SLC25A48: variants seen among roughly 807,000 people sequenced by gnomAD.
SLC25A48 encodes the protein CTC-321K16.1.
SLC25A48 carries 29 observed loss-of-function variants against 32.2 expected under a neutral mutation model. The ratio of observed to expected loss-of-function variants is 0.90; its 90% CI spans 0.67 to 1.23. The LOEUF is 1.23. Ranked by LOEUF, SLC25A48 falls within the 50% of genes most tolerant of loss-of-function variation. SLC25A48 has a pLI of 0.00. For missense variants in SLC25A48, 399 were observed against 422.7 expected (o/e 0.94, Z 0.49); for synonymous variants, 164 against 172.3 (o/e 0.95, Z 0.38).
rs1757799042 is a variant in SLC25A48, at chr5:135,818,695, A to T, written c.-117+5769A>T. Among the ~76,000 whole-genome samples the T allele has an allele frequency of 2.0e-5, 3 of 152,224 alleles. No individual in the cohort carries two copies. The South Asian group carries it at 6.2e-4, about 32-fold the overall frequency. Reference sequence around the variant, plus strand: ...CTAGGACAATCTAAAATTACCCAGCATACAAATGACCAGAAAAATGTGAAC... The same window carrying T: ...CTAGGACAATCTAAAATTACCCAGCTTACAAATGACCAGAAAAATGTGAAC... On this transcript the variant is annotated intron_variant, in intron 4 of 10. Transcript: ENST00000646290.
At chr5:135,615,913 G>A (rs1401732496) in intron 1 of SLC25A48, among the ~76,000 whole-genome samples, 1 of 152,220 alleles carries the variant, frequency 6.6e-6, no homozygotes, top group Non-Finnish European at 1.5e-5. Flanking sequence ...ACTGCTGCCT[G>A]CATCTCAGCT....
At chr5:135,627,011 G>C (rs1752454679) in intron 1 of SLC25A48, among the ~76,000 whole-genome samples, 1 of 152,194 alleles carries the variant, frequency 6.6e-6, no homozygotes, top group Admixed American at 6.5e-5. Flanking sequence ...CAGGAGGTGG[G>C]AGCCTGGGGA....
chr5:135,804,115 C>G (rs1441948567), intron 3 of SLC25A48, among the ~76,000 whole-genome samples: 5 of 151,146 alleles, frequency 3.3e-5, no homozygotes, highest in African/African-American at 1.2e-4. Flanking sequence ...ATTAAGAGTA[C>G]TATCTCCCTA....
intron 3 of SLC25A48, among the ~76,000 whole-genome samples, chr5:135,692,048 T>A (rs1178580634): frequency 6.6e-6 from 1 of 152,306 alleles, no homozygotes; most frequent in Non-Finnish European, 1.5e-5. Context: ...CCGGGCGCGG[T>A]GGCTCACACC....
intron 3 of SLC25A48, among the ~76,000 whole-genome samples, chr5:135,677,009 T>A (rs1753787874): frequency 6.6e-6 from 1 of 152,052 alleles, no homozygotes. Flanking sequence ...TATTTCTTTG[T>A]TGACTTTCTG....
intron 3 of SLC25A48, among the ~76,000 whole-genome samples, chr5:135,711,599 T>C (rs1754664850): frequency 6.6e-6 from 1 of 152,218 alleles, no homozygotes; most frequent in African/African-American, 2.4e-5. Context: ...AATACTCTTT[T>C]AATTTACTTC....
intron 3 of SLC25A48, among the ~76,000 whole-genome samples, chr5:135,669,441 G>A (rs767432805): frequency 2.6e-5 from 4 of 152,154 alleles, no homozygotes; most frequent in Admixed American, 6.5e-5. Flanking sequence ...ATGTGAAACA[G>A]AAGGGAAGGG....
intron 1 of SLC25A48, among the ~76,000 whole-genome samples, chr5:135,628,764 T>C (rs1349037363): frequency 1.3e-5 from 2 of 152,120 alleles, no homozygotes; most frequent in East Asian, 3.9e-4. Flanking sequence ...AAGAGGAGCC[T>C]CTCTCCCTCT....
At chr5:135,656,466 C>T (rs1172636047) in intron 3 of SLC25A48, among the ~76,000 whole-genome samples, 6 of 152,120 alleles carry the variant, frequency 3.9e-5, no homozygotes, top group Non-Finnish European at 7.4e-5. Flanking sequence ...GCCATCCTCC[C>T]AGGACACTGG....
rs149862606 is a variant in SLC25A48 at position 135,800,789 on chromosome 5, G to A, written c.-520-11734G>A. ...TGCTGTGAAATGGTTTGTAAGATCCGGTGGGGAGTGGATGATAATACACCC... is the reference window on the plus strand; with the variant it reads ...TGCTGTGAAATGGTTTGTAAGATCCAGTGGGGAGTGGATGATAATACACCC... On this transcript the variant is annotated intron_variant, in intron 3 of 10. Transcript: ENST00000646290. Among the ~76,000 whole-genome samples, 555 of 151,654 alleles carry A rather than the reference G, an allele frequency of 3.7e-3. 3 individuals are homozygous for A. Among genetic ancestry groups the A allele is most frequent in the South Asian group, 0.017 (81 of 4,812 alleles).
At chr5:135,623,369 G>A (rs1376809940) in intron 1 of SLC25A48, among the ~76,000 whole-genome samples, 1 of 152,186 alleles carries the variant, frequency 6.6e-6, no homozygotes. Flanking sequence ...GAAGACAGGT[G>A]TTTCCCCATC....
At chr5:135,827,854 T>C (rs1423281212) in intron 4 of SLC25A48, among the ~76,000 whole-genome samples, 1 of 151,890 alleles carries the variant, frequency 6.6e-6, no homozygotes, top group Non-Finnish European at 1.5e-5. Context: ...GTTTGGGGCC[T>C]CATCGAGGAG....
intron 6 of SLC25A48, among the ~76,000 whole-genome samples, chr5:135,879,605 A>AGGGTGT (rs745668429): frequency 7.4e-6 from 1 of 135,280 alleles, no homozygotes; most frequent in Non-Finnish European, 1.5e-5. Context: ...AGAGAGAGAG[A>AGGGTGT]GAGAGAGTGT....
intron 3 of SLC25A48, among the ~76,000 whole-genome samples, chr5:135,756,884 A>G (rs1306653921): frequency 2.0e-5 from 3 of 151,478 alleles, no homozygotes; most frequent in African/African-American, 7.3e-5. Flanking sequence ...TATCTAAATG[A>G]TATTTATAAT....
chr5:135,679,433 G>A (rs562685393), intron 3 of SLC25A48, among the ~76,000 whole-genome samples: 1 of 152,312 alleles, frequency 6.6e-6, no homozygotes, highest in South Asian at 2.1e-4. Flanking sequence ...TGCTTGGGCG[G>A]TGGTGGTAGC....
At position 135,784,704 on chromosome 5, in the gene SLC25A48, G is replaced by A. The variant is rs1056514320; in HGVS notation, c.-520-27819G>A. On this transcript the variant is annotated intron_variant, in intron 3 of 10. Coordinates refer to the SLC25A48 transcript ENST00000646290. The stretch of plus-strand genomic sequence containing the variant: ...AGAAGATGATGTTACTCCCAATATC[G>A]CAGGAAGTGTACATTCCCTCCATAG... 2.6e-5 allele frequency among the ~76,000 whole-genome samples: 3 copies of A among 117,568 alleles called. 1 individual carries two copies. In the Admixed American group the frequency reaches 2.6e-4, roughly 10 times the overall value. The allele number at this position is 117,568 out of a possible 152,430, so 77.1% of individuals were successfully genotyped here. A position where few individuals can be genotyped will look rare whatever the true frequency, so the allele number is the denominator to read the frequency against.
chr5:135,759,416 C>T (rs576228759), intron 3 of SLC25A48, among the ~76,000 whole-genome samples: 1 of 152,292 alleles, frequency 6.6e-6, no homozygotes, highest in African/African-American at 2.4e-5. Context: ...TGTTCCCTGA[C>T]TTCTGCTACT....
intron 3 of SLC25A48, among the ~76,000 whole-genome samples, chr5:135,694,952 C>T (rs1395217076): frequency 2.0e-5 from 3 of 152,210 alleles, no homozygotes; most frequent in Admixed American, 6.5e-5. Context: ...GAAATCCCAG[C>T]TCCTCACTGA....
At chr5:135,873,890 C>A in intron 5 of SLC25A48, 131 bp from the exon 6 acceptor site, 2 of 1,004,392 alleles carry the variant, frequency 2.0e-6, no homozygotes, top group Non-Finnish European at 2.7e-6. Context: ...ACAAACTTTG[C>A]AGGTTCTAAG....
Sources: allele counts gnomAD v4.1 joint callset (sites outside exome capture counted in the v4.1 genomes callset), GRCh38; gene constraint gnomAD v4.1.1; transcripts MANE v1.5; gene names NCBI Gene and HGNC (gene_info 2026-07-23, HGNC 2026-07-21).